ASH1L: variants seen among roughly 807,000 people sequenced by gnomAD.
ASH1L encodes the protein ASH1 like histone lysine methyltransferase.
A neutral mutation model predicts 269.0 loss-of-function variants in ASH1L; 23 were observed. The observed-to-expected ratio is 0.09, with a 90% CI of 0.06 to 0.12. The LOEUF (loss-of-function observed/expected upper bound fraction) is 0.12. Ranked by LOEUF, ASH1L falls within the 10% of genes least tolerant of loss-of-function variation. The pLI, the probability that ASH1L is intolerant of heterozygous loss-of-function variation, is 1.00. For missense variants in ASH1L, 2,912 were observed against 3,567.8 expected (o/e 0.82, Z 4.68); for synonymous variants, 1,187 against 1,253.5 (o/e 0.95, Z 1.12).
At chr1:155,445,523 G>A (rs952668501) in intron 4 of ASH1L, among the ~76,000 whole-genome samples, 8 of 151,856 alleles carry the variant, frequency 5.3e-5, no homozygotes, top group African/African-American at 1.7e-4. Context: ...AATAAGCCAC[G>A]AAGTGTCTGT....
intron 5 of ASH1L, among the ~76,000 whole-genome samples, chr1:155,428,129 G>A (rs1261977561): frequency 6.6e-6 from 1 of 152,146 alleles, no homozygotes; most frequent in African/African-American, 2.4e-5. Flanking sequence ...TTATAGCAAT[G>A]TGAGAACAAA....
intron 4 of ASH1L, among the ~76,000 whole-genome samples, chr1:155,439,993 G>A (rs1413700047): frequency 6.6e-6 from 1 of 150,776 alleles, no homozygotes; most frequent in Non-Finnish European, 1.5e-5. Context: ...CTGGCCTATA[G>A]ACCCTTGTCT....
At chr1:155,383,688 T>C (rs972950129) in intron 7 of ASH1L, among the ~76,000 whole-genome samples, 6 of 152,164 alleles carry the variant, frequency 3.9e-5, no homozygotes, top group Admixed American at 1.3e-4. Context: ...TTATGCTAAG[T>C]GAATTAAGGC....
intron 10 of ASH1L, among the ~76,000 whole-genome samples, chr1:155,378,080 T>G (rs564769618): frequency 6.6e-6 from 1 of 151,776 alleles, no homozygotes; most frequent in South Asian, 2.1e-4. Context: ...AGTAAAAGGA[T>G]TTAAACCAAC....
chr1:155,451,809 C>A (rs573415099), intron 4 of ASH1L, among the ~76,000 whole-genome samples: 179 of 152,266 alleles, frequency 1.2e-3, no homozygotes, highest in African/African-American at 4.3e-3. Context: ...GCAGCCTCCG[C>A]CTCCAAGTTC....
chr1:155,473,363 G>C (rs1429077768), intron 3 of ASH1L, among the ~76,000 whole-genome samples: 1 of 152,170 alleles, frequency 6.6e-6, no homozygotes, highest in Non-Finnish European at 1.5e-5. Flanking sequence ...GTCTGGCATT[G>C]CTACATTTAT....
At chr1:155,381,259 T>G (rs1558048501) in intron 7 of ASH1L, among the ~76,000 whole-genome samples, 1 of 152,224 alleles carries the variant, frequency 6.6e-6, no homozygotes, top group Non-Finnish European at 1.5e-5. Context: ...TCCTGCTTAT[T>G]AAAAGACATC....
intron 27 of ASH1L, 144 bp downstream of exon 27, chr1:155,337,945 G>C: frequency 1.9e-6 from 2 of 1,044,602 alleles, no homozygotes; most frequent in Non-Finnish European, 2.7e-6. Context: ...TCACTACCAA[G>C]ATACAACTAA....
chr1:155,476,237 C>A (rs779116916), intron 3 of ASH1L, among the ~76,000 whole-genome samples: 6 of 151,850 alleles, frequency 4.0e-5, no homozygotes, highest in Admixed American at 1.3e-4. Flanking sequence ...ATATAAAAAA[C>A]TAGCCGGGTG....
chr1:155,427,070 G>A (rs923714023), intron 5 of ASH1L, among the ~76,000 whole-genome samples: 2 of 151,428 alleles, frequency 1.3e-5, no homozygotes, highest in African/African-American at 4.9e-5. Flanking sequence ...TTGAAATTAA[G>A]TCTTGGGACA....
chr1:155,383,659 T>C (rs1272008645), intron 7 of ASH1L, among the ~76,000 whole-genome samples: 1 of 152,148 alleles, frequency 6.6e-6, no homozygotes. Flanking sequence ...TACTACAACA[T>C]GGATGAACCT....
intron 2 of ASH1L, among the ~76,000 whole-genome samples, chr1:155,507,295 A>G (rs1327225843): frequency 6.6e-6 from 1 of 152,026 alleles, no homozygotes; most frequent in East Asian, 1.9e-4. Context: ...AAAAAAAAAA[A>G]CGCTTCACTG....
intron 5 of ASH1L, among the ~76,000 whole-genome samples, chr1:155,432,579 T>C (rs1041025255): frequency 3.9e-5 from 6 of 152,216 alleles, no homozygotes; most frequent in Non-Finnish European, 4.4e-5. Flanking sequence ...CAGTGTGTCA[T>C]GTCCTTCCCT....
At position 155,346,370 on chromosome 1, in the gene ASH1L, AG is replaced by A. The variant is rs754808947; in HGVS notation, c.7890+12del. 93 of 1,613,026 alleles carry A rather than the reference AG, an allele frequency of 5.8e-5. No homozygotes were observed. The Middle Eastern group carries it at 1.2e-3, about 20-fold the overall frequency. On this transcript the variant is annotated intron_variant, in intron 21 of 27. Coordinates refer to ENST00000392403, the MANE Select transcript of ASH1L (RefSeq NM_018489.3). The stretch of plus-strand genomic sequence containing the variant: ...TACTTATAGATCAGAGTTTTATCAG[AG>A]GTTCAGCTTACCCTGTCCACAGGCC...
intron 7 of ASH1L, among the ~76,000 whole-genome samples, chr1:155,393,940 C>T (rs553538297): frequency 8.5e-4 from 130 of 152,160 alleles, no homozygotes; most frequent in African/African-American, 2.9e-3. Context: ...GTAAGAAAGA[C>T]AATGATCCTG....
chr1:155,438,298 C>T (rs1662257410), intron 5 of ASH1L, 29 bp downstream of exon 5: 6 of 1,517,686 alleles, frequency 4.0e-6, no homozygotes, highest in Non-Finnish European at 5.3e-6. Context: ...GTTTCCTCTA[C>T]TCAGATAATA....
chr1:155,521,646 A>G (rs1668894982), intron 1 of ASH1L, 28 bp from the exon 2 acceptor site: 7 of 901,092 alleles, frequency 7.8e-6, no homozygotes, highest in Non-Finnish European at 1.2e-5. Flanking sequence ...ACAAAAATTT[A>G]TCAGAAAAGA....
intron 6 of ASH1L, among the ~76,000 whole-genome samples, chr1:155,414,646 G>A (rs1240811721): frequency 6.6e-6 from 1 of 152,088 alleles, no homozygotes; most frequent in East Asian, 1.9e-4. Context: ...ATATCTCAAA[G>A]TCCATGGTTA....
At position 155,392,503 on chromosome 1, in the gene ASH1L, A is replaced by AT. The variant is rs1163585394; in HGVS notation, c.6103+2955dup. Among the ~76,000 whole-genome samples the AT allele has an allele frequency of 5.3e-5, 8 of 151,760 alleles. 1 individual carries two copies. Among genetic ancestry groups the AT allele is most frequent in the South Asian group, 2.1e-4 (1 of 4,802 alleles). ...GCATTTTTTTCTTATTTATTTATTT[A>AT]TTTTTTTGAGAGTCTTGCTCTGTTG... On this transcript the variant is annotated intron_variant, in intron 7 of 27. Coordinates refer to ENST00000392403, the MANE Select transcript of ASH1L (RefSeq NM_018489.3).
Sources: allele counts gnomAD v4.1 joint callset (sites outside exome capture counted in the v4.1 genomes callset), GRCh38; gene constraint gnomAD v4.1.1; transcripts MANE v1.5; gene names NCBI Gene and HGNC (gene_info 2026-07-23, HGNC 2026-07-21).